The following NCAM2 variants were observed in gnomAD, a reference collection of about 807,000 sequenced individuals.
NCAM2 encodes the protein N-CAM-2.
Under a neutral mutation model 98.1 loss-of-function variants are expected in NCAM2, and 30 were observed. The ratio of observed to expected loss-of-function variants is 0.31; its 90% CI spans 0.23 to 0.41. The LOEUF (loss-of-function observed/expected upper bound fraction) is 0.41, where lower values mean the gene tolerates loss of function less well. NCAM2 is among the 10% of genes least tolerant of loss of function. The pLI, the probability that NCAM2 is intolerant of heterozygous loss-of-function variation, is 1.00. For missense variants in NCAM2, 867 were observed against 1,005.8 expected, an observed-to-expected ratio of 0.86 and a Z score of 1.87; for synonymous variants, 368 against 342.4, an observed-to-expected ratio of 1.07 and a Z score of -0.83.
At chr21:21,106,672 G>GA (rs1199966299) in intron 1 of NCAM2, among the ~76,000 whole-genome samples, 4 of 150,644 alleles carry the variant, frequency 2.7e-5, no homozygotes, top group African/African-American at 9.7e-5. Flanking sequence ...TAGAACAGAA[G>GA]AAAAAATCAT....
intron 16 of NCAM2, among the ~76,000 whole-genome samples, chr21:21,513,337 T>C (rs529740678): frequency 3.3e-5 from 5 of 152,106 alleles, no homozygotes; most frequent in Non-Finnish European, 7.4e-5. Context: ...TTTATTGCTG[T>C]AATATGCCAC....
intron 1 of NCAM2, among the ~76,000 whole-genome samples, chr21:21,211,908 A>G (rs1247555317): frequency 6.6e-6 from 1 of 152,216 alleles, no homozygotes; most frequent in Non-Finnish European, 1.5e-5. Context: ...CTTTACCTCA[A>G]CTACTGGCAA....
At chr21:21,078,978 T>C (rs1323606515) in intron 1 of NCAM2, among the ~76,000 whole-genome samples, 1 of 152,062 alleles carries the variant, frequency 6.6e-6, no homozygotes, top group African/African-American at 2.4e-5. Context: ...AAGTGGGAGT[T>C]GAACAGTGAG....
intron 1 of NCAM2, among the ~76,000 whole-genome samples, chr21:21,128,227 GA>G (rs1253291232): frequency 3.9e-5 from 5 of 127,880 alleles, no homozygotes; most frequent in African/African-American, 1.5e-4. Flanking sequence ...AATATAGAGT[GA>G]ATGAGATTTG....
intron 16 of NCAM2, among the ~76,000 whole-genome samples, chr21:21,510,957 A>G (rs233783): frequency 6.6e-6 from 1 of 151,934 alleles, no homozygotes; most frequent in South Asian, 2.1e-4. Context: ...TCCTGACTTC[A>G]TAGCACCATA....
intron 5 of NCAM2, among the ~76,000 whole-genome samples, chr21:21,299,036 A>G (rs1367613853): frequency 4.0e-5 from 6 of 151,552 alleles, no homozygotes; most frequent in African/African-American, 7.3e-5. Flanking sequence ...ATAGAAATCT[A>G]TAGGGATCAC....
At chr21:21,254,044 A>G (rs981922713) in intron 1 of NCAM2, among the ~76,000 whole-genome samples, 2 of 152,216 alleles carry the variant, frequency 1.3e-5, no homozygotes, top group Non-Finnish European at 2.9e-5. Flanking sequence ...TGTCAAACCA[A>G]AAACTTACAC....
intron 9 of NCAM2, among the ~76,000 whole-genome samples, chr21:21,400,597 C>CTTTTT (rs59168731): frequency 2.2e-5 from 3 of 137,956 alleles, no homozygotes; most frequent in African/African-American, 5.4e-5. Context: ...TTACCAAAAA[C>CTTTTT]TTTTTTTTTT....
At chr21:21,289,182 A>G (rs1408513315) in intron 4 of NCAM2, among the ~76,000 whole-genome samples, 2 of 151,962 alleles carry the variant, frequency 1.3e-5, no homozygotes, top group African/African-American at 2.4e-5. Flanking sequence ...TACCTTGTTC[A>G]ATACAATTTT....
chr21:21,270,463 T>G (rs1270404036), intron 1 of NCAM2, among the ~76,000 whole-genome samples: 1 of 152,190 alleles, frequency 6.6e-6, no homozygotes, highest in Non-Finnish European at 1.5e-5. Context: ...AACAAAAATA[T>G]GAGACAGGTG....
intron 12 of NCAM2, among the ~76,000 whole-genome samples, chr21:21,459,565 A>G (rs1181610345): frequency 2.0e-5 from 3 of 148,706 alleles, no homozygotes; most frequent in African/African-American, 7.3e-5. Flanking sequence ...GGATATTGTT[A>G]TATATTTATA....
At chr21:21,086,895 T>A (rs899655326) in intron 1 of NCAM2, among the ~76,000 whole-genome samples, 5 of 151,830 alleles carry the variant, frequency 3.3e-5, no homozygotes, top group Non-Finnish European at 7.4e-5. Flanking sequence ...GTGTACTTAT[T>A]ATGTCTTGCT....
At chr21:21,277,483 T>C (rs1330215941) in intron 1 of NCAM2, among the ~76,000 whole-genome samples, 1 of 152,080 alleles carries the variant, frequency 6.6e-6, no homozygotes, top group African/African-American at 2.4e-5. Flanking sequence ...AGATAGAAAG[T>C]AGGAAGCCAT....
intron 1 of NCAM2, among the ~76,000 whole-genome samples, chr21:21,028,953 T>G (rs78913326): frequency 0.05 from 7,656 of 152,298 alleles, 400 homozygotes; most frequent in African/African-American, 0.13. Flanking sequence ...TAAATTTACA[T>G]TTAGTGTTAA....
intron 1 of NCAM2, among the ~76,000 whole-genome samples, chr21:21,233,970 A>T (rs1482820843): frequency 6.6e-6 from 1 of 151,768 alleles, no homozygotes; most frequent in Non-Finnish European, 1.5e-5. Flanking sequence ...TCCGTTTATC[A>T]GTAGGTATAT....
intron 5 of NCAM2, 35 bp from the exon 6 acceptor site, chr21:21,324,348 C>T (rs773715464): frequency 2.3e-5 from 34 of 1,492,330 alleles, no homozygotes; most frequent in East Asian, 2.1e-4. Flanking sequence ...AAGGTGTTTT[C>T]GTCTCTATTT....
At position 21,076,644 on chromosome 21, in the gene NCAM2, T is replaced by G. The variant is rs571975676; in HGVS notation, c.55+78026T>G. Among the ~76,000 whole-genome samples, 5 of 152,290 alleles carry G rather than the reference T, an allele frequency of 3.3e-5. No individual in the cohort carries two copies. The South Asian group carries it at 1.0e-3, about 32-fold the overall frequency. On this transcript the variant is annotated intron_variant, in intron 1 of 17. Coordinates refer to ENST00000400546, the MANE Select transcript of NCAM2 (RefSeq NM_004540.5). ...TTCACAATAAAGAATCTTCCTGATA[T>G]TCACTAGTACATATAAGTCACGAAG...
intron 1 of NCAM2, among the ~76,000 whole-genome samples, chr21:21,166,187 A>G (rs1202294646): frequency 6.6e-6 from 1 of 152,158 alleles, no homozygotes; most frequent in Non-Finnish European, 1.5e-5. Context: ...TTAAGCATTT[A>G]GTCATCAAGA....
chr21:21,204,570 A>G (rs1360541302), intron 1 of NCAM2, among the ~76,000 whole-genome samples: 2 of 152,164 alleles, frequency 1.3e-5, no homozygotes, highest in East Asian at 3.9e-4. Context: ...GTTGGATTCT[A>G]GCCAATATTC....
Sources: gnomAD v4.1 joint callset for allele counts (sites outside exome capture counted in the v4.1 genomes callset) on GRCh38, gnomAD v4.1.1 for gene constraint, MANE v1.5 for transcripts, NCBI Gene and HGNC (gene_info 2026-07-23, HGNC 2026-07-21) for gene names.